ART4: variants seen among roughly 807,000 people sequenced by gnomAD.
ART4 encodes ADP-ribosyltransferase 4 (inactive) (Dombrock blood group), also known as ecto-ADP-ribosyltransferase 4.
ART4 carries 14 observed loss-of-function variants against 24.2 expected under a neutral mutation model. The observed-to-expected ratio is 0.58, with a 90% confidence interval of 0.38 to 0.90. The LOEUF is 0.90. ART4 is among the 40% of genes least tolerant of loss of function. The pLI is 0.00. For missense variants in ART4, 356 were observed against 366.6 expected, an observed-to-expected ratio of 0.97 and a Z score of 0.24; for synonymous variants, 145 against 139.9, an observed-to-expected ratio of 1.04 and a Z score of -0.26.
At position 14,825,735 on chromosome 12, in the gene ART4, C is replaced by T. The variant is rs1305495716; in HGVS notation, c.*3636G>A. 3.3e-5 allele frequency: 5 copies of T among 152,074 alleles called. No individual in the cohort carries two copies. The highest frequency in any genetic ancestry group is 1.2e-4 in the African/African-American group (5 of 41,392). The allele number at this position is 152,074 out of a possible 1,614,324, so 9.4% of individuals were successfully genotyped here. A position where few individuals can be genotyped will look rare whatever the true frequency, so the allele number is the denominator to read the frequency against. ...ACTCAGTACAAGAATCCTGATTCTT[C>T]TAGCAAAACAAACTTTACTGAAATT... On this transcript the variant is annotated 3_prime_UTR_variant, in exon 3 of 3. Transcript: ENST00000228936.
At chr12:14,841,222 G>C (rs1863048543) in intron 1 of ART4, 69 bp from the exon 2 acceptor site, 2 of 1,427,892 alleles carry the variant, frequency 1.4e-6, no homozygotes, top group African/African-American at 1.4e-5. Context: ...CAGATTTGCT[G>C]TACTCTATAA....
In ART4 at chr12:14,840,671, G is replaced by C; in HGVS notation, c.627C>G (p.Ser209=). 3 of 1,614,144 alleles carry C rather than the reference G, an allele frequency of 1.9e-6. No individual in the cohort carries two copies. Among genetic ancestry groups the C allele is most frequent in the Non-Finnish European group, 2.5e-6 (3 of 1,180,014 alleles). The change falls in exon 2 of 3, where the codon TCC becomes TCG. Residue 209 remains serine (S), a synonymous_variant. Transcript: ENST00000228936. ...GTGCCTCTTCTTTCAGGAGGGATGT[G>C]GAGAGGAATTGGCCAAATCGAATGG... ...GATIRFGQFL[S]TSLLKEEAQE... is the part of the protein sequence containing the mutation.
chr12:14,829,349 T>C lies in ART4; in HGVS notation c.*22A>G, dbSNP rs1565427237. On this transcript the variant is annotated 3_prime_UTR_variant, in exon 3 of 3. Transcript: ENST00000228936. The stretch of plus-strand genomic sequence containing the variant: ...ATTTTATTTAAATATTTTTTTTAAA[T>C]AAAAGGAGCCACAAGATTTCTTTAT... 1 of 1,464,196 alleles carries C rather than the reference T, an allele frequency of 6.8e-7. No homozygotes were observed. The highest frequency in any genetic ancestry group is 9.2e-7 in the Non-Finnish European group (1 of 1,092,140). The allele number at this position is 1,464,196 out of a possible 1,614,324, so 90.7% of individuals were successfully genotyped here.
chr12:14,838,166 A>G (rs1950443267), intron 2 of ART4, among the ~76,000 whole-genome samples: 1 of 152,192 alleles, frequency 6.6e-6, no homozygotes, highest in South Asian at 2.1e-4. Flanking sequence ...GCTAAACCTT[A>G]ACTCAAAACT....
At chr12:14,839,613 GACA>G (rs959906967) in intron 2 of ART4, among the ~76,000 whole-genome samples, 7 of 152,074 alleles carry the variant, frequency 4.6e-5, no homozygotes, top group African/African-American at 7.2e-5. Flanking sequence ...CTGCTCACAT[GACA>G]ACAACATTAA....
At position 14,831,426 on chromosome 12, in the gene ART4, A is replaced by ATT. The variant is rs11369265; in HGVS notation, c.854-1966_854-1965dup. On this transcript the variant is annotated intron_variant, in intron 2 of 2. Coordinates refer to ENST00000228936, the MANE Select transcript of ART4 (RefSeq NM_021071.4). ...CAGGTGCACACCACCATGCCTGGCT[A>ATT]TTTTTTTTTTGTATTTTTGGTAGAG... Among the ~76,000 whole-genome samples, 326 of 148,190 alleles carry ATT rather than the reference A, an allele frequency of 2.2e-3. 1 individual carries two copies. The highest frequency in any genetic ancestry group is 3.1e-3 in the Non-Finnish European group (211 of 66,986).
At chr12:14,838,952 C>T (rs1950448282) in intron 2 of ART4, among the ~76,000 whole-genome samples, 1 of 150,310 alleles carries the variant, frequency 6.7e-6, no homozygotes, top group African/African-American at 2.5e-5. Flanking sequence ...TACACAACTA[C>T]CCCTCCATGA....
intron 2 of ART4, among the ~76,000 whole-genome samples, chr12:14,836,321 C>T (rs1950430635): frequency 6.6e-6 from 1 of 151,906 alleles, no homozygotes; most frequent in African/African-American, 2.4e-5. Flanking sequence ...ACTTTGGGGC[C>T]ATTATGAAAT....
In ART4 at chr12:14,840,487, A is replaced by G. The variant is rs1445553045; in HGVS notation, c.811T>C (p.Ser271Pro). 2.5e-6 allele frequency: 4 copies of G among 1,613,806 alleles called. No individual in the cohort carries two copies. The highest frequency in any genetic ancestry group is 3.3e-4 in the Middle Eastern group (2 of 6,054). ...TTATATGTGCTCAGGTTCCCAGTTGACCTCAACTGCAACCAGTCTCCTCTT... is the reference window on the plus strand; with the variant it reads ...TTATATGTGCTCAGGTTCCCAGTTGGCCTCAACTGCAACCAGTCTCCTCTT... Reference protein sequence around the residue: ...HPRGDWLQLRSTGNLSTYNCQ... With the variant: ...HPRGDWLQLRPTGNLSTYNCQ... The change falls in exon 2 of 3, where the codon TCA becomes CCA. Residue 271 changes from serine (S) to proline (P), a missense_variant. By Grantham distance (74) the Ser-to-Pro change is moderately conservative. Coordinates refer to ENST00000228936, the MANE Select transcript of ART4 (RefSeq NM_021071.4).
chr12:14,838,323 T>G (rs972275178), intron 2 of ART4, among the ~76,000 whole-genome samples: 1 of 152,210 alleles, frequency 6.6e-6, no homozygotes, highest in Non-Finnish European at 1.5e-5. Flanking sequence ...TTCCCTCAGT[T>G]TCCCACTCAA....
chr12:14,837,797 G>C (rs921368794), intron 2 of ART4, among the ~76,000 whole-genome samples: 1 of 152,164 alleles, frequency 6.6e-6, no homozygotes, highest in Admixed American at 6.5e-5. Context: ...TTACGGGTGT[G>C]AGCCACCGCA....
chr12:14,830,030 C>A (rs982276513), intron 2 of ART4, among the ~76,000 whole-genome samples: 1 of 152,098 alleles, frequency 6.6e-6, no homozygotes, highest in African/African-American at 2.4e-5. Flanking sequence ...CATTCTTAAC[C>A]ACTAACCTGT....
chr12:14,839,533 G>A (rs1592250858), intron 2 of ART4, among the ~76,000 whole-genome samples: 1 of 152,174 alleles, frequency 6.6e-6, no homozygotes, highest in African/African-American at 2.4e-5. Context: ...AGAGAAGTTG[G>A]TACACAAGAC....
chr12:14,826,048 G>T lies in ART4; in HGVS notation c.*3323C>A, dbSNP rs1950358036. 2 of 152,162 alleles carry T rather than the reference G, an allele frequency of 1.3e-5. No individual in the cohort carries two copies. 9.4% of individuals were successfully genotyped at this position (152,162 alleles called of 1,614,324 possible). ...CAGTTGCATGAATTTACACATATTT[G>T]AGCATCCGCCTTATCTTTGGAAGAT... On this transcript the variant is annotated 3_prime_UTR_variant, in exon 3 of 3. Transcript: ENST00000228936.
chr12:14,840,499 A>G lies in ART4; in HGVS notation c.799T>C (p.Leu267=), dbSNP rs1424913300. 9 of 1,613,978 alleles carry G rather than the reference A, an allele frequency of 5.6e-6. No individual in the cohort carries two copies. The highest frequency in any genetic ancestry group is 1.7e-5 in the Admixed American group (1 of 59,996). The change falls in exon 2 of 3, where the codon TTG becomes CTG. Residue 267 remains leucine (L), a synonymous_variant. Coordinates refer to ENST00000228936, the MANE Select transcript of ART4 (RefSeq NM_021071.4). ...NMSYHPRGDW[L]QLRSTGNLST... is the part of the protein sequence containing the mutation. ...AGGTTCCCAGTTGACCTCAACTGCA[A>G]CCAGTCTCCTCTTGGGTGGTAGCTC...
At chr12:14,830,630 A>T (rs918970772) in intron 2 of ART4, among the ~76,000 whole-genome samples, 1 of 83,018 alleles carries the variant, frequency 1.2e-5, no homozygotes, top group African/African-American at 4.4e-5. Flanking sequence ...CTGTGTGTGT[A>T]TGTGTGTACT....
chr12:14,832,149 C>G (rs764767251), intron 2 of ART4, among the ~76,000 whole-genome samples: 4 of 152,162 alleles, frequency 2.6e-5, no homozygotes, highest in Non-Finnish European at 5.9e-5. Context: ...CTGCCCAAAA[C>G]CTCTCAGTGG....
In ART4 at chr12:14,840,558, A is replaced by G; in HGVS notation, c.740T>C (p.Ile247Thr). 2 of 1,614,100 alleles carry G rather than the reference A, an allele frequency of 1.2e-6. No individual in the cohort carries two copies. The highest frequency in any genetic ancestry group is 1.1e-5 in the South Asian group (1 of 91,064). The change falls in exon 2 of 3, where the codon ATC becomes ACC. Residue 247 changes from isoleucine to threonine, a missense_variant. Ile to Thr is a moderately conservative substitution (Grantham distance 89, BLOSUM62 -1). Transcript: ENST00000228936. ...AACTTTAAACAGCTCATAGGGAGGG[A>G]TCAAGACTTCCTTCTTGAGGGAGAA... Reference protein sequence around the residue: ...QYFSLKKEVLIPPYELFKVIN... With the variant: ...QYFSLKKEVLTPPYELFKVIN...
At position 14,828,502 on chromosome 12, in the gene ART4, G is replaced by A. The variant is rs895176884; in HGVS notation, c.*869C>T. 5 of 151,968 alleles carry A rather than the reference G, an allele frequency of 3.3e-5. No individual in the cohort carries two copies. The highest frequency in any genetic ancestry group is 2.1e-4 in the South Asian group (1 of 4,824). The allele number at this position is 151,968 out of a possible 1,614,324, so 9.4% of individuals were successfully genotyped here. ...TCTTGAATGCTCATAAAAAATCTCT[G>A]AAGAAAATTCACACCTTGGTTAATC... is the stretch of plus-strand genomic sequence containing the variant. On this transcript the variant is annotated 3_prime_UTR_variant, in exon 3 of 3. Transcript: ENST00000228936.
Sources: gnomAD v4.1 joint callset for allele counts (sites outside exome capture counted in the v4.1 genomes callset) on GRCh38, gnomAD v4.1.1 for gene constraint, MANE v1.5 for transcripts, NCBI Gene and HGNC (gene_info 2026-07-23, HGNC 2026-07-21) for gene names.